Variants in TUSC3 observed in about 807,000 individuals in gnomAD.
TUSC3 encodes tumor suppressor candidate 3.
In TUSC3, 45 loss-of-function variants were observed where a neutral mutation model predicts 44.8. That is an observed-to-expected ratio of 1.00 (90% CI 0.79 to 1.29). The LOEUF (loss-of-function observed/expected upper bound fraction) is 1.29. Among genes scored for constraint, TUSC3 ranks in the 50% most tolerant of loss-of-function variants. TUSC3 has a pLI of 0.00. For missense variants in TUSC3, 519 were observed against 437.9 expected (o/e 1.19, Z -1.65); for synonymous variants, 212 against 152.9 (o/e 1.39, Z -2.85).
At chr8:15,456,701 G>T (rs1197924028) in intron 1 of TUSC3, among the ~76,000 whole-genome samples, 2 of 152,014 alleles carry the variant, frequency 1.3e-5, no homozygotes, top group Non-Finnish European at 2.9e-5. Flanking sequence ...TATGGATAAA[G>T]ACAAAATCAG....
chr8:15,586,903 C>T (rs1166735230), intron 1 of TUSC3, among the ~76,000 whole-genome samples: 2 of 152,106 alleles, frequency 1.3e-5, no homozygotes, highest in African/African-American at 4.8e-5. Context: ...CCCCACTGAC[C>T]TCCTGATTTT....
chr8:15,810,197 G>A, the TUSC3 span, among the ~76,000 whole-genome samples: 8 of 152,082 alleles, frequency 5.3e-5, no homozygotes, highest in Non-Finnish European at 1.5e-5. Context: ...GAAATTTGGG[G>A]GTGGGGCTCA....
intron 6 of TUSC3, among the ~76,000 whole-genome samples, chr8:15,695,333 A>C (rs1441562576): frequency 2.6e-5 from 4 of 152,276 alleles, no homozygotes; most frequent in Non-Finnish European, 5.9e-5. Context: ...TGGTTTTATA[A>C]ACAGGAGTTC....
At chr8:15,850,228 A>G in the TUSC3 span, among the ~76,000 whole-genome samples, 99,061 of 151,782 alleles carry the variant, frequency 0.65, 34,018 homozygotes, top group Non-Finnish European at 0.77. Flanking sequence ...TAGATACTAA[A>G]TCACTTAGTA....
At chr8:15,431,335 C>G (rs1295407956) in intron 1 of TUSC3, among the ~76,000 whole-genome samples, 1 of 151,682 alleles carries the variant, frequency 6.6e-6, no homozygotes, top group Admixed American at 6.6e-5. Flanking sequence ...ATATATCTAT[C>G]TATTTGTGTC....
At chr8:15,701,855 C>A (rs1013918738) in intron 6 of TUSC3, among the ~76,000 whole-genome samples, 1 of 152,108 alleles carries the variant, frequency 6.6e-6, no homozygotes, top group Non-Finnish European at 1.5e-5. Context: ...GGACTGTTGT[C>A]TCTGATAAAT....
intron 1 of TUSC3, among the ~76,000 whole-genome samples, chr8:15,420,249 C>A (rs1157984845): frequency 6.6e-6 from 1 of 152,038 alleles, no homozygotes. Context: ...GTAATCCCAG[C>A]ACTTTGGGAG....
chr8:15,798,790 G>C, the TUSC3 span, among the ~76,000 whole-genome samples: 1 of 152,090 alleles, frequency 6.6e-6, no homozygotes, highest in African/African-American at 2.4e-5. Flanking sequence ...TTTTAAAGGA[G>C]TTCACTTTAA....
intron 5 of TUSC3, among the ~76,000 whole-genome samples, chr8:15,664,110 A>C (rs1275405091): frequency 6.6e-6 from 1 of 151,780 alleles, no homozygotes; most frequent in East Asian, 1.9e-4. Context: ...GGTATGCTTC[A>C]TAACTGTGCA....
At chr8:15,531,941 G>C (rs746216369) in intron 2 of TUSC3, among the ~76,000 whole-genome samples, 13 of 152,096 alleles carry the variant, frequency 8.5e-5, no homozygotes, top group Admixed American at 2.0e-4. Context: ...AAATTGTCTT[G>C]TCTATAAAAG....
At chr8:15,836,553 C>G in the TUSC3 span, among the ~76,000 whole-genome samples, 1 of 151,696 alleles carries the variant, frequency 6.6e-6, no homozygotes, top group Non-Finnish European at 1.5e-5. Flanking sequence ...TACCCTTTTC[C>G]ACTCCCTGTA....
chr8:15,462,501 T>C (rs1424049782), intron 1 of TUSC3, among the ~76,000 whole-genome samples: 1 of 152,088 alleles, frequency 6.6e-6, no homozygotes, highest in Non-Finnish European at 1.5e-5. Flanking sequence ...TCATAGCCTC[T>C]ACACAACGAC....
intron 1 of TUSC3, among the ~76,000 whole-genome samples, chr8:15,421,083 A>G (rs561512145): frequency 1.3e-5 from 2 of 152,304 alleles, no homozygotes; most frequent in East Asian, 3.9e-4. Flanking sequence ...TAACATAGTC[A>G]TGTCCAAATT....
chr8:15,422,976 T>C (rs972266189), intron 1 of TUSC3, among the ~76,000 whole-genome samples: 4 of 152,180 alleles, frequency 2.6e-5, no homozygotes, highest in Non-Finnish European at 5.9e-5. Context: ...TATGCCACAG[T>C]GTATTTATAT....
chr8:15,523,662 A>ATGTGTGTG (rs1452859204), intron 2 of TUSC3, among the ~76,000 whole-genome samples: 1 of 21,890 alleles, frequency 4.6e-5, no homozygotes, highest in African/African-American at 1.9e-4. Context: ...ATATATATAT[A>ATGTGTGTG]TATGTGTGTG....
At chr8:15,598,743 G>C (rs1410570421) in intron 1 of TUSC3, among the ~76,000 whole-genome samples, 4 of 151,612 alleles carry the variant, frequency 2.6e-5, no homozygotes, top group African/African-American at 7.3e-5. Context: ...GTACATTTAA[G>C]TTTTCTCTAT....
At chr8:15,444,498 A>C (rs1800065002) in intron 1 of TUSC3, among the ~76,000 whole-genome samples, 1 of 152,200 alleles carries the variant, frequency 6.6e-6, no homozygotes, top group East Asian at 1.9e-4. Flanking sequence ...TAGGCAGACC[A>C]GGGTAATGAG....
chr8:15,831,892 G>C, the TUSC3 span, among the ~76,000 whole-genome samples: 1 of 152,090 alleles, frequency 6.6e-6, no homozygotes, highest in African/African-American at 2.4e-5. Context: ...CCATGAGAAC[G>C]TCCCCAACCT....
intron 2 of TUSC3, among the ~76,000 whole-genome samples, chr8:15,627,986 C>T (rs902368514): frequency 3.9e-5 from 6 of 152,138 alleles, no homozygotes; most frequent in Admixed American, 6.5e-5. Context: ...TCTGGCGAAG[C>T]GACACCCCAA....
Sources: gnomAD v4.1 joint callset for allele counts (sites outside exome capture counted in the v4.1 genomes callset) on GRCh38, gnomAD v4.1.1 for gene constraint, MANE v1.5 for transcripts, NCBI Gene and HGNC (gene_info 2026-07-23, HGNC 2026-07-21) for gene names.